MYSM1: variants seen among roughly 807,000 people sequenced by gnomAD.
MYSM1 encodes the protein Myb like, SWIRM and MPN domains 1.
In MYSM1, 51 loss-of-function variants were observed where a neutral mutation model predicts 116.0. The observed-to-expected ratio is 0.44, with a 90% CI of 0.35 to 0.56. The LOEUF (loss-of-function observed/expected upper bound fraction) is 0.56. MYSM1 is among the 20% of genes least tolerant of loss of function. The probability of loss-of-function intolerance (pLI) is 0.00; values close to 1 mark genes in which losing one functional copy is unlikely to be tolerated. For synonymous variants in MYSM1, 313 were observed against 315.2 expected, an observed-to-expected ratio of 0.99 and a Z score of 0.07; for missense variants, 900 against 974.9, an observed-to-expected ratio of 0.92 and a Z score of 1.02.
intron 9 of MYSM1, 136 bp from the exon 10 acceptor site, chr1:58,675,716 G>A: frequency 1.7e-6 from 1 of 574,794 alleles, no homozygotes; most frequent in Non-Finnish European, 3.1e-6. Context: ...ATGTGCTACT[G>A]AGCACCCCTC....
rs1389019165 is a variant in MYSM1, at chr1:58,657,786, G to A, written c.*2211C>T. The A allele has an allele frequency of 6.6e-6, 1 of 151,958 alleles. No individual in the cohort carries two copies. The highest frequency in any genetic ancestry group is 1.5e-5 in the Non-Finnish European group (1 of 67,982). The allele number at this position is 151,958 out of a possible 1,614,324, so 9.4% of individuals were successfully genotyped here. On this transcript the variant is annotated 3_prime_UTR_variant, in exon 20 of 20. Coordinates refer to ENST00000472487, the MANE Select transcript of MYSM1 (RefSeq NM_001085487.3). ...TTATTTTGAAAACTGTGCTCTCAAG[G>A]CCCCAAACTCTTGACAAGTATCATC...
chr1:58,670,317 G>A (rs536205714), intron 12 of MYSM1, among the ~76,000 whole-genome samples: 5 of 152,308 alleles, frequency 3.3e-5, no homozygotes, highest in South Asian at 2.1e-4. Context: ...ATATGGAACC[G>A]CTGTCAGTGT....
chr1:58,674,964 C>T (rs1426285488), intron 10 of MYSM1, among the ~76,000 whole-genome samples: 2 of 149,814 alleles, frequency 1.3e-5, no homozygotes, highest in African/African-American at 2.4e-5. Flanking sequence ...TGTTGGATCA[C>T]ATTTTTATTT....
At chr1:58,698,421 C>A (rs1231977058) in intron 1 of MYSM1, among the ~76,000 whole-genome samples, 3 of 151,834 alleles carry the variant, frequency 2.0e-5, no homozygotes, top group East Asian at 3.9e-4. Flanking sequence ...ATTAATGATA[C>A]TCCTTGGGGT....
chr1:58,667,261 A>T, intron 15 of MYSM1, 35 bp from the exon 16 acceptor site: 1 of 1,375,790 alleles, frequency 7.3e-7, no homozygotes, highest in Non-Finnish European at 9.6e-7. Context: ...ATTATACTAA[A>T]ATCCTGTTAA....
At position 58,690,417 on chromosome 1, in the gene MYSM1, T is replaced by C. The variant is rs746306650; in HGVS notation, c.219A>G (p.Glu73=). The C allele has an allele frequency of 3.1e-5, 49 of 1,583,536 alleles. No individual in the cohort carries two copies. Among genetic ancestry groups the C allele is most frequent in the Non-Finnish European group, 4.0e-5 (47 of 1,161,308 alleles). ...AVIEKMLLEE[E]YYLSKKSQPE... is the part of the protein sequence containing the mutation. ...GTTGTGATTTTTTAGATAAATAATA[T>C]CTGTGTAACTATCAAGGAAACTTTT... The change falls in exon 4 of 20, where the codon GAA becomes GAG. Residue 73 remains glutamate (E), a splice_region_variant and synonymous_variant. Coordinates refer to ENST00000472487, the MANE Select transcript of MYSM1 (RefSeq NM_001085487.3).
At chr1:58,688,974 T>C in intron 6 of MYSM1, 64 bp downstream of exon 6, 3 of 1,419,148 alleles carry the variant, frequency 2.1e-6, no homozygotes, top group Non-Finnish European at 2.9e-6. Context: ...AATTTAACCT[T>C]ATAACTTTAC....
Position 58,690,428 on chromosome 1 carries a change from A to G in MYSM1, c.219-11T>C. On this transcript the variant is annotated splice_polypyrimidine_tract_variant and intron_variant, in intron 3 of 19. Transcript: ENST00000472487. ...TTAGATAAATAATATCTGTGTAACT[A>G]TCAAGGAAACTTTTTAAACAATATT... The G allele has an allele frequency of 6.4e-7, 1 of 1,557,526 alleles. No homozygotes were observed. The highest frequency in any genetic ancestry group is 8.7e-7 in the Non-Finnish European group (1 of 1,142,990).
At chr1:58,671,356 G>A (rs1335976177) in intron 12 of MYSM1, among the ~76,000 whole-genome samples, 1 of 152,152 alleles carries the variant, frequency 6.6e-6, no homozygotes, top group Non-Finnish European at 1.5e-5. Context: ...ATATGATCTA[G>A]TGGCATTCCT....
At chr1:58,691,424 C>T (rs946071774) in intron 3 of MYSM1, among the ~76,000 whole-genome samples, 1 of 152,170 alleles carries the variant, frequency 6.6e-6, no homozygotes, top group Admixed American at 6.5e-5. Flanking sequence ...AACAAAGATA[C>T]TCTCATTATT....
At chr1:58,683,841 C>T (rs774002579) in intron 7 of MYSM1, among the ~76,000 whole-genome samples, 8 of 152,072 alleles carry the variant, frequency 5.3e-5, no homozygotes, top group Non-Finnish European at 1.2e-4. Context: ...TTTTAAGTAT[C>T]CTGTCTATAA....
chr1:58,672,989 T>G (rs1309252770), intron 11 of MYSM1, among the ~76,000 whole-genome samples: 1 of 152,248 alleles, frequency 6.6e-6, no homozygotes, highest in Non-Finnish European at 1.5e-5. Flanking sequence ...CAAGGCTTAC[T>G]GAATACCTAG....
chr1:58,691,594 G>A (rs1372792662), intron 3 of MYSM1, among the ~76,000 whole-genome samples: 9 of 152,004 alleles, frequency 5.9e-5, no homozygotes, highest in Non-Finnish European at 7.4e-5. Context: ...TTGGCCGGGC[G>A]CAGTGGCTCA....
chr1:58,660,011 C>T lies in MYSM1; in HGVS notation c.2473G>A (p.Glu825Lys), dbSNP rs232777. 313,882 of 1,575,666 alleles carry T rather than the reference C, an allele frequency of 0.2. 35,092 individuals are homozygous for T. Among genetic ancestry groups the T allele is most frequent in the African/African-American group, 0.41 (29,817 of 72,620 alleles). ...NGVTEENCTK[E>K]LLM The stretch of plus-strand genomic sequence containing the variant: ...CTTTAAAATAATCACATTAACAATT[C>T]CTTTGTACAGTTCTCTTCGGTTACT... The change falls in exon 20 of 20, where the codon GAA (glutamate) becomes AAA (lysine). Residue 825 changes from glutamate to lysine, a missense_variant. Physicochemically the swap from Glu to Lys is moderately conservative, Grantham distance 56. Transcript: ENST00000472487.
At chr1:58,698,464 A>C (rs1645015570) in intron 1 of MYSM1, among the ~76,000 whole-genome samples, 1 of 151,980 alleles carries the variant, frequency 6.6e-6, no homozygotes, top group South Asian at 2.1e-4. Context: ...CATCATCAGG[A>C]ACCAATAACC....
At chr1:58,699,698 A>AC in intron 1 of MYSM1, 5 of 985,402 alleles carry the variant, frequency 5.1e-6, no homozygotes, top group Non-Finnish European at 6.0e-6. Context: ...CGGAAGAAGG[A>AC]ATCTAAATGT....
At chr1:58,675,679 G>T in intron 9 of MYSM1, 99 bp from the exon 10 acceptor site, 1 of 821,480 alleles carries the variant, frequency 1.2e-6, no homozygotes, top group Non-Finnish European at 2.0e-6. Flanking sequence ...GGGCTTCTAT[G>T]ACTCTTATTT....
intron 7 of MYSM1, 88 bp from the exon 8 acceptor site, chr1:58,682,633 G>T: frequency 3.3e-6 from 4 of 1,202,664 alleles, no homozygotes; most frequent in South Asian, 1.8e-5. Context: ...AATATACAGT[G>T]TTATTAAACT....
intron 11 of MYSM1, among the ~76,000 whole-genome samples, chr1:58,672,512 T>C (rs1247402529): frequency 6.6e-6 from 1 of 152,162 alleles, no homozygotes; most frequent in Non-Finnish European, 1.5e-5. Context: ...GAGTTAATGT[T>C]TATAAAATAC....
Sources: gnomAD v4.1 joint callset for allele counts (sites outside exome capture counted in the v4.1 genomes callset) on GRCh38, gnomAD v4.1.1 for gene constraint, MANE v1.5 for transcripts, NCBI Gene and HGNC (gene_info 2026-07-23, HGNC 2026-07-21) for gene names.